NEMP2: variants seen among roughly 807,000 people sequenced by gnomAD.
NEMP2 encodes nuclear envelope integral membrane protein 2.
In NEMP2, 53 loss-of-function variants were observed where a neutral mutation model predicts 54.2. The ratio of observed to expected loss-of-function variants is 0.98; its 90% CI spans 0.78 to 1.23. The LOEUF (loss-of-function observed/expected upper bound fraction) is 1.23, where lower values mean the gene tolerates loss of function less well. Ranked by LOEUF, NEMP2 falls within the 50% of genes most tolerant of loss-of-function variation. NEMP2 has a pLI of 0.00. For missense variants in NEMP2, 455 were observed against 511.3 expected (o/e 0.89, Z 1.06); for synonymous variants, 197 against 190.3 (o/e 1.04, Z -0.29).
the NEMP2 span, among the ~76,000 whole-genome samples, chr2:190,646,473 T>C: frequency 6.6e-6 from 1 of 152,228 alleles, no homozygotes; most frequent in African/African-American, 2.4e-5. Flanking sequence ...CAGTTCTTTT[T>C]GAGCTACCAT....
chr2:190,615,616 C>A, the NEMP2 span, among the ~76,000 whole-genome samples: 1 of 152,176 alleles, frequency 6.6e-6, no homozygotes, highest in Non-Finnish European at 1.5e-5. The surrounding 1 kb of genome is among the most constrained non-coding windows in gnomAD (Gnocchi z 4.7). Context: ...CTGAGTCAAC[C>A]TTCAGCCCCT....
chr2:190,575,971 T>C, the NEMP2 span, among the ~76,000 whole-genome samples: 3 of 151,718 alleles, frequency 2.0e-5, no homozygotes, highest in African/African-American at 7.3e-5. Flanking sequence ...GAAATGTTTC[T>C]GGTTTACTTT....
the NEMP2 span, among the ~76,000 whole-genome samples, chr2:190,425,703 T>C: frequency 6.6e-6 from 1 of 152,226 alleles, no homozygotes; most frequent in Admixed American, 6.5e-5. The surrounding 1 kb of genome is among the most constrained non-coding windows in gnomAD (Gnocchi z 4.3). Flanking sequence ...TCAACCACAC[T>C]TTGTCATGTT....
chr2:190,511,602 T>C (rs1690368832), intron 7 of NEMP2, among the ~76,000 whole-genome samples: 1 of 149,634 alleles, frequency 6.7e-6, no homozygotes, highest in Non-Finnish European at 1.5e-5. Context: ...TTGCCCAGGC[T>C]GGAGTGCCGT....
At chr2:190,431,377 G>A in the NEMP2 span, among the ~76,000 whole-genome samples, 8 of 152,332 alleles carry the variant, frequency 5.3e-5, no homozygotes, top group African/African-American at 1.4e-4. This position sits in a 1 kb window ranked among gnomAD's most constrained non-coding sequence, Gnocchi z 4.4. Flanking sequence ...AGGTTGTAGC[G>A]AGCCGAGATC....
At chr2:190,464,843 G>GTGGC in the NEMP2 span, 537 of 856,824 alleles carry the variant, frequency 6.3e-4, 1 homozygote, top group Non-Finnish European at 7.3e-4. Flanking sequence ...ATGGTAGATA[G>GTGGC]TGGCATCTTA....
chr2:190,596,319 A>C, the NEMP2 span, among the ~76,000 whole-genome samples: 8 of 152,190 alleles, frequency 5.3e-5, no homozygotes, highest in Non-Finnish European at 1.0e-4. The surrounding 1 kb of genome is among the most constrained non-coding windows in gnomAD (Gnocchi z 5.1). Flanking sequence ...TGACGGGTGC[A>C]GCAAACCACC....
chr2:190,492,109 A>G, the NEMP2 span, among the ~76,000 whole-genome samples: 1 of 152,194 alleles, frequency 6.6e-6, no homozygotes, highest in Non-Finnish European at 1.5e-5. This position sits in a 1 kb window ranked among gnomAD's most constrained non-coding sequence, Gnocchi z 5.2. Context: ...GAAGACAAAG[A>G]AAAAAGAATT....
At chr2:190,640,787 A>AT in the NEMP2 span, among the ~76,000 whole-genome samples, 16 of 118,030 alleles carry the variant, frequency 1.4e-4, no homozygotes, top group African/African-American at 5.5e-4. Context: ...AACACATTCA[A>AT]TTTTTTTTTT....
upstream of NEMP2, among the ~76,000 whole-genome samples, chr2:190,539,331 C>A (rs1046968392): frequency 9.9e-5 from 15 of 152,076 alleles, no homozygotes; most frequent in African/African-American, 3.6e-4. The surrounding 1 kb of genome is among the most constrained non-coding windows in gnomAD (Gnocchi z 4.1). Context: ...TGCCAGTACC[C>A]TTCTGTTTTG....
the NEMP2 span, among the ~76,000 whole-genome samples, chr2:190,601,148 A>G: frequency 2.0e-5 from 3 of 152,182 alleles, 1 homozygote; most frequent in Admixed American, 2.0e-4. The surrounding 1 kb of genome is among the most constrained non-coding windows in gnomAD (Gnocchi z 5.8). Flanking sequence ...CTGTCATCCA[A>G]TATGACAGGT....
chr2:190,640,683 T>G, the NEMP2 span, among the ~76,000 whole-genome samples: 22 of 152,140 alleles, frequency 1.4e-4, no homozygotes, highest in African/African-American at 5.1e-4. Context: ...GTAGGATATA[T>G]GCATTGTCCT....
At chr2:190,518,420 A>G (rs933410208) in intron 4 of NEMP2, among the ~76,000 whole-genome samples, 2 of 152,208 alleles carry the variant, frequency 1.3e-5, no homozygotes, top group African/African-American at 4.8e-5. Flanking sequence ...AAGAACTAGT[A>G]GTGTGATGAA....
At chr2:190,453,196 T>C in the NEMP2 span, among the ~76,000 whole-genome samples, 1 of 151,980 alleles carries the variant, frequency 6.6e-6, no homozygotes, top group African/African-American at 2.4e-5. Context: ...CTTGCATAGC[T>C]GGAATGAAGG....
At chr2:190,478,437 T>C in the NEMP2 span, among the ~76,000 whole-genome samples, 2 of 152,200 alleles carry the variant, frequency 1.3e-5, no homozygotes, top group African/African-American at 2.4e-5. Context: ...TGGAAAACAG[T>C]AGATTATTCA....
chr2:190,518,914 T>C (rs781618864), intron 3 of NEMP2, 38 bp downstream of exon 3: 27 of 1,525,922 alleles, frequency 1.8e-5, no homozygotes, highest in Non-Finnish European at 1.9e-5. Flanking sequence ...CCAGAAAAAC[T>C]GAATCCAGAA....
At chr2:190,437,616 G>A in the NEMP2 span, 5 of 1,542,614 alleles carry the variant, frequency 3.2e-6, no homozygotes, top group Admixed American at 9.6e-5. This position sits in a 1 kb window ranked among gnomAD's most constrained non-coding sequence, Gnocchi z 5.9. Flanking sequence ...ATCTTTTTAT[G>A]GTTTATAGCT....
chr2:190,486,029 T>C, the NEMP2 span, among the ~76,000 whole-genome samples: 1 of 152,238 alleles, frequency 6.6e-6, no homozygotes, highest in South Asian at 2.1e-4. Context: ...ATTTCTGTCT[T>C]CCTATAAATA....
At chr2:190,445,048 T>TCAC in the NEMP2 span, 1 of 168,758 alleles carries the variant, frequency 5.9e-6, no homozygotes, top group Non-Finnish European at 1.2e-5. Context: ...AGAGTAGGCC[T>TCAC]TGGTGTTAAG....
Sources: gnomAD v4.1 joint callset for allele counts (sites outside exome capture counted in the v4.1 genomes callset) on GRCh38, gnomAD v4.1.1 for gene constraint, Gnocchi (gnomAD v3.1) non-coding constraint, MANE v1.5 for transcripts, NCBI Gene and HGNC (gene_info 2026-07-23, HGNC 2026-07-21) for gene names.